Variants in CSE1L observed in about 807,000 individuals in gnomAD.
The protein encoded by CSE1L is exportin-2.
Under a neutral mutation model 120.4 loss-of-function variants are expected in CSE1L, and 24 were observed. That is an observed-to-expected ratio of 0.20 (90% CI 0.14 to 0.28). The LOEUF (loss-of-function observed/expected upper bound fraction) is 0.28, where lower values mean the gene tolerates loss of function less well. Among genes scored for constraint, CSE1L ranks in the 10% least tolerant of loss-of-function variants. The pLI is 1.00. For missense variants in CSE1L, 830 were observed against 1,145.2 expected, an observed-to-expected ratio of 0.72 and a Z score of 3.97; for synonymous variants, 402 against 398.3, an observed-to-expected ratio of 1.01 and a Z score of -0.11.
At chr20:49,076,065 C>T (rs527799591) in intron 12 of CSE1L, among the ~76,000 whole-genome samples, 10 of 152,322 alleles carry the variant, frequency 6.6e-5, no homozygotes, top group African/African-American at 2.2e-4. Context: ...TTCCTGACCT[C>T]GTGTGATCCT....
intron 1 of CSE1L, among the ~76,000 whole-genome samples, chr20:49,053,147 C>CTT (rs71184250): frequency 0.013 from 1,644 of 122,492 alleles, 38 homozygotes; most frequent in South Asian, 0.039. Flanking sequence ...CCCTGTCTCT[C>CTT]TTTTTTTTTT....
At chr20:49,084,873 C>T (rs2092042307) in intron 15 of CSE1L, among the ~76,000 whole-genome samples, 1 of 152,144 alleles carries the variant, frequency 6.6e-6, no homozygotes, top group African/African-American at 2.4e-5. Context: ...AAAGGACATC[C>T]TTTGAGGTGA....
chr20:49,080,800 G>A (rs2092006451), intron 14 of CSE1L, among the ~76,000 whole-genome samples: 1 of 152,074 alleles, frequency 6.6e-6, no homozygotes, highest in South Asian at 2.1e-4. Flanking sequence ...TTGAGACAAA[G>A]TCTTACAGTC....
In CSE1L at chr20:49,094,130, G is replaced by C. The variant is rs754472979; in HGVS notation, c.2448-10G>C. ...ATCTAATATTAAGTTGATTTATTTT[G>C]CTTTAATAGAATGTTTGGAATGGTT... On this transcript the variant is annotated splice_polypyrimidine_tract_variant and intron_variant, in intron 22 of 24. Coordinates refer to ENST00000262982, the MANE Select transcript of CSE1L (RefSeq NM_001316.4). 2.1e-6 allele frequency: 3 copies of C among 1,453,868 alleles called. No homozygotes were observed. Among genetic ancestry groups the C allele is most frequent in the East Asian group, 4.6e-5 (2 of 43,576 alleles). 90.1% of individuals were successfully genotyped at this position (1,453,868 alleles called of 1,614,324 possible).
intron 17 of CSE1L, among the ~76,000 whole-genome samples, 183 bp downstream of exon 17, chr20:49,088,289 C>T (rs2092075326): frequency 6.6e-6 from 1 of 152,160 alleles, no homozygotes; most frequent in Non-Finnish European, 1.5e-5. Context: ...ATAGCAGTCA[C>T]CTTTAAGTGT....
intron 19 of CSE1L, among the ~76,000 whole-genome samples, chr20:49,090,114 G>T (rs1260439853): frequency 6.6e-6 from 1 of 151,776 alleles, no homozygotes; most frequent in Non-Finnish European, 1.5e-5. Context: ...AACAGAGCTA[G>T]ACCCTGTCTC....
At position 49,067,627 on chromosome 20, in the gene CSE1L, A is replaced by G. The variant is rs547035904; in HGVS notation, c.567+347A>G. Among the ~76,000 whole-genome samples, 179 of 152,206 alleles carry G rather than the reference A, an allele frequency of 1.2e-3. 1 individual carries two copies. Among genetic ancestry groups the G allele is most frequent in the South Asian group, 0.011 (53 of 4,830 alleles). On this transcript the variant is annotated intron_variant, in intron 6 of 24. Coordinates refer to ENST00000262982, the MANE Select transcript of CSE1L (RefSeq NM_001316.4). Reference sequence around the variant, plus strand: ...TTTGACTATGTTTGGAGTTTAATTAATTATATATTTATACATTATTTTACA... The same window carrying G: ...TTTGACTATGTTTGGAGTTTAATTAGTTATATATTTATACATTATTTTACA...
chr20:49,046,567 G>A (rs1029164839), intron 1 of CSE1L, 144 bp downstream of exon 1: 1 of 152,490 alleles, frequency 6.6e-6, no homozygotes, highest in Non-Finnish European at 1.5e-5. Context: ...CGGGGTTCGG[G>A]TGGTGCGCTC....
At chr20:49,071,466 T>C (rs1200457871) in intron 8 of CSE1L, among the ~76,000 whole-genome samples, 3 of 152,154 alleles carry the variant, frequency 2.0e-5, no homozygotes, top group Non-Finnish European at 4.4e-5. Flanking sequence ...GAGGGAGTTT[T>C]GGTTTTGGCT....
chr20:49,072,281 G>A lies in CSE1L; in HGVS notation c.769-5G>A, dbSNP rs1474926286. 4.3e-6 allele frequency: 7 copies of A among 1,612,996 alleles called. No individual in the cohort carries two copies. The highest frequency in any genetic ancestry group is 5.9e-6 in the Non-Finnish European group (7 of 1,179,560). On this transcript the variant is annotated splice_region_variant and splice_polypyrimidine_tract_variant and intron_variant, in intron 8 of 24. Transcript: ENST00000262982. Reference sequence around the variant, plus strand: ...TGTTGGAGTTTTTGTTTTCTTTTATGTGAGGATGAAGAGGAAGCCGGCTTA... The same window carrying A: ...TGTTGGAGTTTTTGTTTTCTTTTATATGAGGATGAAGAGGAAGCCGGCTTA...
intron 22 of CSE1L, among the ~76,000 whole-genome samples, 168 bp downstream of exon 22, chr20:49,092,295 G>T (rs2092107607): frequency 6.6e-6 from 1 of 151,934 alleles, no homozygotes; most frequent in African/African-American, 2.4e-5. Flanking sequence ...AAGTAATCCT[G>T]GCCCAGCATG....
At chr20:49,068,385 G>A (rs2091909236) in intron 6 of CSE1L, among the ~76,000 whole-genome samples, 1 of 152,038 alleles carries the variant, frequency 6.6e-6, no homozygotes, top group Non-Finnish European at 1.5e-5. Context: ...TCAGGAGATC[G>A]AGACCACCAT....
chr20:49,070,554 CATT>C (rs1488143561), intron 8 of CSE1L, among the ~76,000 whole-genome samples: 1 of 152,156 alleles, frequency 6.6e-6, no homozygotes. Context: ...AAAGTAGTGA[CATT>C]ATGGATATTT....
intron 2 of CSE1L, among the ~76,000 whole-genome samples, chr20:49,060,015 T>A (rs185664301): frequency 6.6e-6 from 1 of 151,940 alleles, no homozygotes; most frequent in Non-Finnish European, 1.5e-5. Context: ...CAAGACCCTG[T>A]CTCTACAAAA....
In CSE1L at chr20:49,089,690, C is replaced by T. The variant is rs762532242; in HGVS notation, c.2125C>T (p.Gln709Ter). The T allele has an allele frequency of 6.2e-7, 1 of 1,614,224 alleles. No individual in the cohort carries two copies. Among genetic ancestry groups the T allele is most frequent in the South Asian group, 1.1e-5 (1 of 91,088 alleles). Reference protein sequence around the residue: ...GNIPALVRLLQAFLERGSNTI... With the variant: ...GNIPALVRLL ...TATTCCTGCTCTAGTGAGGCTTCTT[C>T]AAGCATTCTTAGAACGCGGTTCAAA... The change falls in exon 19 of 25, where the codon CAA becomes TAA. Residue 709 changes from glutamine to a stop codon, truncating the protein, a stop_gained. Transcript: ENST00000262982. LOFTEE classifies it high-confidence loss of function.
intron 2 of CSE1L, among the ~76,000 whole-genome samples, chr20:49,062,535 T>C (rs1445271010): frequency 6.6e-6 from 1 of 151,824 alleles, no homozygotes; most frequent in Non-Finnish European, 1.5e-5. Flanking sequence ...TATTAAGAAG[T>C]TTTTAGGTTT....
In CSE1L at chr20:49,072,709, A is replaced by G. The variant is rs2091941969; in HGVS notation, c.1066+12A>G. ...CATGGAATTTAGAGGTAATTATGGC[A>G]AAAGTATATTAGTATAAATCTACTA... On this transcript the variant is annotated intron_variant, in intron 10 of 24. Transcript: ENST00000262982. The G allele has an allele frequency of 1.2e-5, 20 of 1,601,458 alleles. No homozygotes were observed. Among genetic ancestry groups the G allele is most frequent in the Non-Finnish European group, 1.6e-5 (19 of 1,175,642 alleles).
intron 1 of CSE1L, among the ~76,000 whole-genome samples, chr20:49,047,491 A>G (rs894959756): frequency 6.7e-6 from 1 of 149,826 alleles, no homozygotes; most frequent in East Asian, 2.0e-4. Context: ...CGCCTCTCCC[A>G]AGTTTCCCTC....
At chr20:49,051,912 T>C (rs1403397416) in intron 1 of CSE1L, among the ~76,000 whole-genome samples, 1 of 152,304 alleles carries the variant, frequency 6.6e-6, no homozygotes, top group East Asian at 1.9e-4. Flanking sequence ...CCCACGCTGG[T>C]CTTGAAATCC....
Sources: allele counts gnomAD v4.1 joint callset (sites outside exome capture counted in the v4.1 genomes callset), GRCh38; gene constraint gnomAD v4.1.1; transcripts MANE v1.5; gene names NCBI Gene and HGNC (gene_info 2026-07-23, HGNC 2026-07-21).